SPDL1: variants seen among roughly 807,000 people sequenced by gnomAD.
SPDL1 encodes the protein spindle apparatus coiled-coil protein 1, also known as protein Spindly.
In SPDL1, 85 loss-of-function variants were observed where a neutral mutation model predicts 79.5. The ratio of observed to expected loss-of-function variants is 1.07; its 90% CI spans 0.90 to 1.28. The LOEUF (loss-of-function observed/expected upper bound fraction) is 1.28, where lower values mean the gene tolerates loss of function less well. Ranked by LOEUF, SPDL1 falls within the 50% of genes most tolerant of loss-of-function variation. The pLI is 0.00. For missense variants in SPDL1, 703 were observed against 697.8 expected (o/e 1.01, Z -0.08); for synonymous variants, 269 against 240.3 (o/e 1.12, Z -1.10).
At chr5:169,599,292 G>C (rs1433465924) in intron 10 of SPDL1, 133 bp downstream of exon 10, 2 of 728,180 alleles carry the variant, frequency 2.7e-6, no homozygotes, top group Non-Finnish European at 3.9e-6. Context: ...AGTTAATAAA[G>C]CAAATTTATT....
chr5:169,591,035 A>T lies in SPDL1; in HGVS notation c.160-13A>T. 6.3e-7 allele frequency: 1 copy of T among 1,598,774 alleles called. No individual in the cohort carries two copies. Among genetic ancestry groups the T allele is most frequent in the South Asian group, 1.1e-5 (1 of 89,398 alleles). On this transcript the variant is annotated splice_polypyrimidine_tract_variant and intron_variant, in intron 2 of 11. Coordinates refer to ENST00000265295, the MANE Select transcript of SPDL1 (RefSeq NM_017785.5). ...TTTTTATGTAATTGAATTGTAATTG[A>T]ATCTGTTTTCAGAGTTATGAACAAG...
chr5:169,589,707 CTTT>C (rs564425889), intron 2 of SPDL1, among the ~76,000 whole-genome samples: 17 of 141,816 alleles, frequency 1.2e-4, no homozygotes, highest in African/African-American at 4.4e-4. Context: ...TTTCTTTTTT[CTTT>C]TTTTTTTTTG....
Position 169,588,563 on chromosome 5 carries a change from G to T in SPDL1, c.147G>T (p.Met49Ile). ...TGGATAAATGTCGTAATGAAATGAT[G>T]ACCATGACTGAGGTAGGACTCTGGA... ...NQLDKCRNEM[M>I]TMTESYEQEK... Residue 49 changes from methionine (M) to isoleucine (I), a missense_variant, in exon 2 of 12, where the codon ATG becomes ATT. By Grantham distance (10) the Met-to-Ile change is conservative (BLOSUM62 1). Transcript: ENST00000265295. 1.2e-6 allele frequency: 2 copies of T among 1,612,120 alleles called. No homozygotes were observed. The highest frequency in any genetic ancestry group is 2.2e-5 in the South Asian group (2 of 90,522).
At chr5:169,585,090 A>G (rs551624777) in intron 1 of SPDL1, among the ~76,000 whole-genome samples, 4 of 152,172 alleles carry the variant, frequency 2.6e-5, no homozygotes, top group South Asian at 2.1e-4. Flanking sequence ...TTAATCAACC[A>G]CGGCTATCTC....
chr5:169,601,393 T>A lies in SPDL1; in HGVS notation c.1438T>A (p.Leu480Ile). The A allele has an allele frequency of 6.2e-7, 1 of 1,614,122 alleles. No individual in the cohort carries two copies. The highest frequency in any genetic ancestry group is 2.2e-5 in the East Asian group (1 of 44,872). Residue 480 changes from leucine to isoleucine, a missense_variant, in exon 11 of 12, where the codon TTA becomes ATA. Physicochemically the swap from Leu to Ile is conservative, Grantham distance 5. Coordinates refer to ENST00000265295, the MANE Select transcript of SPDL1 (RefSeq NM_017785.5). ...TGCTCTCGGGGGAGAAGTTTATCGA[T>A]TACCGCCTCAGAAAGAGGAGACACA... ...NSALGGEVYR[L>I]PPQKEETQSC...
intron 8 of SPDL1, among the ~76,000 whole-genome samples, chr5:169,597,778 T>G (rs1755665416): frequency 6.6e-6 from 1 of 152,212 alleles, no homozygotes; most frequent in South Asian, 2.1e-4. Context: ...AAATCTTAAT[T>G]AAGTTTACAT....
At chr5:169,598,294 AT>A (rs1244962996) in intron 8 of SPDL1, among the ~76,000 whole-genome samples, 181 bp from the exon 9 acceptor site, 2 of 152,170 alleles carry the variant, frequency 1.3e-5, no homozygotes, top group African/African-American at 4.8e-5. Flanking sequence ...CTGTTTCCTT[AT>A]CTGTAAGAGA....
At chr5:169,592,914 C>T (rs947093824) in intron 3 of SPDL1, among the ~76,000 whole-genome samples, 3 of 146,464 alleles carry the variant, frequency 2.0e-5, no homozygotes, top group Non-Finnish European at 4.5e-5. Flanking sequence ...TTTTTAATAC[C>T]TTTTCTTCTC....
Position 169,594,401 on chromosome 5 carries a change from G to A in SPDL1, c.689G>A (p.Arg230His), listed in dbSNP as rs201660793. Residue 230 changes from arginine (R) to histidine (H), a missense_variant, in exon 6 of 12, where the codon CGT (arginine) becomes CAT (histidine). By Grantham distance (29) the Arg-to-His change is conservative. Coordinates refer to ENST00000265295, the MANE Select transcript of SPDL1 (RefSeq NM_017785.5). ...VSYYNALEKARVANQDLQVQL... is the reference protein window; with the variant it reads ...VSYYNALEKAHVANQDLQVQL... ...GTTTTCTTTTGAATTTAGAAAGCTC[G>A]TGTAGCAAATCAAGATCTTCAGGTA... 1.6e-5 allele frequency: 26 copies of A among 1,613,928 alleles called. No individual in the cohort carries two copies. The highest frequency in any genetic ancestry group is 4.5e-5 in the East Asian group (2 of 44,876).
chr5:169,596,713 A>C lies in SPDL1; in HGVS notation c.1032+12A>C, dbSNP rs575676623. On this transcript the variant is annotated intron_variant, in intron 8 of 11. Transcript: ENST00000265295. ...TGGAGAAATTTAAGGTATGTATAAC[A>C]GTTAAAAAAACACACATCCAAATTT... 6.4e-5 allele frequency: 99 copies of C among 1,554,620 alleles called. 2 individuals carry two copies. In the South Asian group the frequency reaches 1.0e-3, roughly 16 times the overall value.
At chr5:169,587,176 A>G (rs1393861113) in intron 1 of SPDL1, 1 of 152,018 alleles carries the variant, frequency 6.6e-6, no homozygotes, top group Non-Finnish European at 1.5e-5. Context: ...CTTACTGTTT[A>G]TCTTCCCCTC....
intron 3 of SPDL1, among the ~76,000 whole-genome samples, chr5:169,591,543 G>A (rs1298158205): frequency 6.6e-6 from 1 of 152,188 alleles, no homozygotes; most frequent in Non-Finnish European, 1.5e-5. Flanking sequence ...TCGTCTCCTA[G>A]CCTTCCCTGC....
intron 11 of SPDL1, 49 bp downstream of exon 11, chr5:169,601,674 C>A: frequency 6.8e-7 from 1 of 1,468,376 alleles, no homozygotes; most frequent in South Asian, 1.2e-5. Flanking sequence ...CTCCATCTCT[C>A]CTCTCTCGCT....
chr5:169,590,547 T>C (rs1280353003), intron 2 of SPDL1, among the ~76,000 whole-genome samples: 1 of 152,254 alleles, frequency 6.6e-6, no homozygotes, highest in Non-Finnish European at 1.5e-5. Context: ...TCCTTTTGTC[T>C]CAGCTCTGCA....
In SPDL1 at chr5:169,604,157, C is replaced by G; in HGVS notation, c.1768C>G (p.Leu590Val). 6.2e-7 allele frequency: 1 copy of G among 1,610,420 alleles called. No individual in the cohort carries two copies. Among genetic ancestry groups the G allele is most frequent in the Non-Finnish European group, 8.5e-7 (1 of 1,178,792 alleles). The change falls in exon 12 of 12, where the codon CTA (leucine) becomes GTA (valine). Residue 590 changes from leucine to valine, a missense_variant. Transcript: ENST00000265295. ...AACTTGTAAGAAATTACACCCTATTCTATATGTGTCTTCTAAATCTACTCC... is the reference window on the plus strand; with the variant it reads ...AACTTGTAAGAAATTACACCCTATTGTATATGTGTCTTCTAAATCTACTCC... ...KETCKKLHPI[L>V]YVSSKSTPET... is the part of the protein sequence containing the mutation.
At chr5:169,594,324 C>T (rs199754009) in intron 5 of SPDL1, 30 bp downstream of exon 5, 49 of 1,612,424 alleles carry the variant, frequency 3.0e-5, no homozygotes, top group East Asian at 2.7e-4. Flanking sequence ...ATCATGTTTT[C>T]CAATTTATCA....
At chr5:169,591,287 T>G (rs554623867) in intron 3 of SPDL1, 63 bp downstream of exon 3, 2 of 1,527,094 alleles carry the variant, frequency 1.3e-6, no homozygotes, top group East Asian at 2.3e-5. Context: ...CTGTAAACTT[T>G]AGATGATAAA....
intron 10 of SPDL1, among the ~76,000 whole-genome samples, chr5:169,600,673 T>C (rs1477782885): frequency 2.6e-5 from 4 of 152,210 alleles, no homozygotes; most frequent in Non-Finnish European, 5.9e-5. Context: ...GGCATTGCAG[T>C]AGTCTTTGAT....
chr5:169,594,070 C>A, intron 4 of SPDL1, 75 bp from the exon 5 acceptor site: 1 of 1,272,030 alleles, frequency 7.9e-7, no homozygotes, highest in Non-Finnish European at 1.1e-6. Context: ...TGAACCACAA[C>A]TGAGATAAAC....
Sources: allele counts gnomAD v4.1 joint callset (sites outside exome capture counted in the v4.1 genomes callset), GRCh38; gene constraint gnomAD v4.1.1; transcripts MANE v1.5; gene names NCBI Gene and HGNC (gene_info 2026-07-23, HGNC 2026-07-21).